The following SNUPN variants were observed in gnomAD, a reference collection of about 807,000 sequenced individuals.
The protein encoded by SNUPN is snurportin 1.
SNUPN carries 31 observed loss-of-function variants against 39.2 expected under a neutral mutation model. The ratio of observed to expected loss-of-function variants is 0.79; its 90% CI spans 0.59 to 1.07. The LOEUF is 1.07. Ranked by LOEUF, SNUPN falls within the 50% of genes least tolerant of loss-of-function variation. The pLI is 0.00. For synonymous variants in SNUPN, 132 were observed against 159.0 expected (o/e 0.83, Z 1.28); for missense variants, 382 against 434.2 (o/e 0.88, Z 1.07).
intron 1 of SNUPN, among the ~76,000 whole-genome samples, chr15:75,623,967 G>T (rs1170164230): frequency 7.9e-6 from 1 of 126,404 alleles, no homozygotes; most frequent in African/African-American, 3.1e-5. Flanking sequence ...TCGCTCTGTC[G>T]CCCAGGCTGG....
At chr15:75,600,852 T>C (rs2075279653) in intron 8 of SNUPN, 1 of 353,474 alleles carries the variant, frequency 2.8e-6, no homozygotes, top group East Asian at 6.3e-5. Context: ...GTCTTGCTCC[T>C]ATCTGGGCCT....
At chr15:75,613,012 C>T (rs1892824573) in intron 3 of SNUPN, among the ~76,000 whole-genome samples, 1 of 151,808 alleles carries the variant, frequency 6.6e-6, no homozygotes, top group Admixed American at 6.6e-5. Context: ...ATAAATAACT[C>T]AATTAAAAAA....
Position 75,609,593 on chromosome 15 carries a change from A to C in SNUPN, c.467T>G (p.Leu156Arg). Reference sequence around the variant, plus strand: ...TGAGTTTCGCCTGTTGCCTCCTGGCAGAAGTGAAGAAAACCTGTTGACACA... The same window carrying C: ...TGAGTTTCGCCTGTTGCCTCCTGGCCGAAGTGAAGAAAACCTGTTGACACA... Reference protein sequence around the residue: ...GYCVNRFSSLLPGGNRRNSTA... With the variant: ...GYCVNRFSSLRPGGNRRNSTA... Residue 156 changes from leucine to arginine, a missense_variant, in exon 5 of 9, where the codon CTG becomes CGG. Transcript: ENST00000308588. 6.2e-7 allele frequency: 1 copy of C among 1,614,110 alleles called. No individual in the cohort carries two copies. Among genetic ancestry groups the C allele is most frequent in the Non-Finnish European group, 8.5e-7 (1 of 1,179,970 alleles).
In SNUPN at chr15:75,609,570, A is replaced by T. The variant is rs1439146111; in HGVS notation, c.490T>A (p.Ser164Thr). The change falls in exon 5 of 9, where the codon TCA becomes ACA. Residue 164 changes from serine (S) to threonine (T), a missense_variant. Transcript: ENST00000308588. ...TCTATGTAGGTACCTTTTGCTGTTG[A>T]GTTTCGCCTGTTGCCTCCTGGCAGA... is the stretch of plus-strand genomic sequence containing the variant. The part of the protein sequence containing the change: ...SLLPGGNRRN[S>T]TAKDYTILDC... 6.2e-7 allele frequency: 1 copy of T among 1,613,446 alleles called. No homozygotes were observed. Among genetic ancestry groups the T allele is most frequent in the East Asian group, 2.2e-5 (1 of 44,874 alleles).
chr15:75,598,818 C>T (rs949246281), intron 8 of SNUPN, 137 bp from the exon 9 acceptor site: 3 of 592,112 alleles, frequency 5.1e-6, no homozygotes, highest in Non-Finnish European at 8.6e-6. Context: ...GTCCCAGCTT[C>T]TCACACATGC....
rs190799275 is a variant in SNUPN, at chr15:75,623,652, C to T, written c.-6+2014G>A. On this transcript the variant is annotated intron_variant, in intron 1 of 8. Transcript: ENST00000308588. Reference sequence around the variant, plus strand: ...TAGAGAAGAGGTTTCATTATGTTGGCGTGGCTGGTCTGAAACTCCTGACCT... The same window carrying T: ...TAGAGAAGAGGTTTCATTATGTTGGTGTGGCTGGTCTGAAACTCCTGACCT... Among the ~76,000 whole-genome samples the T allele has an allele frequency of 6.4e-3, 971 of 151,856 alleles. 14 individuals are homozygous for T. The highest frequency in any genetic ancestry group is 0.022 in the African/African-American group (910 of 41,388).
Position 75,601,297 on chromosome 15 carries a change from AGGCATAGT to A in SNUPN, c.679-87_679-80del, listed in dbSNP as rs2075284603. The stretch of plus-strand genomic sequence containing the variant: ...AGCAATTGAAAATCTCTGTCAGGCC[AGGCATAGT>A]GGCTCACACCTGTAATCCCAGCACT... On this transcript the variant is annotated intron_variant, in intron 7 of 8. Coordinates refer to ENST00000308588, the MANE Select transcript of SNUPN (RefSeq NM_005701.4). The A allele has an allele frequency of 1.1e-5, 11 of 1,023,776 alleles. No homozygotes were observed. In the Admixed American group the frequency reaches 1.8e-4, roughly 16 times the overall value. 63.4% of individuals were successfully genotyped at this position (1,023,776 alleles called of 1,614,324 possible).
chr15:75,607,268 T>C lies in SNUPN; in HGVS notation c.548A>G (p.Tyr183Cys). The change falls in exon 6 of 9, where the codon TAC becomes TGC. Residue 183 changes from tyrosine to cysteine, a missense_variant. Transcript: ENST00000308588. ...CCAGCACATCACATCCAGAACGTAG[T>C]AGGTCTGGTTTACCTCATTGTAAAT... Reference protein sequence around the residue: ...DCIYNEVNQTYYVLDVMCWRG... With the variant: ...DCIYNEVNQTCYVLDVMCWRG... 6.2e-7 allele frequency: 1 copy of C among 1,613,786 alleles called. No individual in the cohort carries two copies. Among genetic ancestry groups the C allele is most frequent in the South Asian group, 1.1e-5 (1 of 91,076 alleles).
rs368139444 is a variant in SNUPN, at chr15:75,605,263, T to C, written c.601-36A>G. The C allele has an allele frequency of 8.9e-6, 13 of 1,467,664 alleles. No homozygotes were observed. In the East Asian group the frequency reaches 1.4e-4, roughly 15 times the overall value. 90.9% of individuals were successfully genotyped at this position (1,467,664 alleles called of 1,614,324 possible). ...GAAGGGAAACAGAAAGATGAAATAC[T>C]TTCCATTTCAAACTCTAATATAAAC... is the stretch of plus-strand genomic sequence containing the variant. On this transcript the variant is annotated intron_variant, in intron 6 of 8. Transcript: ENST00000308588.
At position 75,619,699 on chromosome 15, in the gene SNUPN, C is replaced by G. The variant is rs143055252; in HGVS notation, c.158+1195G>C. Among the ~76,000 whole-genome samples the G allele has an allele frequency of 6.0e-4, 92 of 152,096 alleles. 1 individual carries two copies. In the East Asian group the frequency reaches 0.014, roughly 24 times the overall value. Reference sequence around the variant, plus strand: ...ATAATATAGGAGAGGAACTGGATAGCTAGGGGACAGAAATGGGAAGACCTC... The same window carrying G: ...ATAATATAGGAGAGGAACTGGATAGGTAGGGGACAGAAATGGGAAGACCTC... On this transcript the variant is annotated intron_variant, in intron 2 of 8. Coordinates refer to ENST00000308588, the MANE Select transcript of SNUPN (RefSeq NM_005701.4).
chr15:75,615,485 T>C (rs182357092), intron 3 of SNUPN, among the ~76,000 whole-genome samples: 12 of 152,216 alleles, frequency 7.9e-5, no homozygotes, highest in Non-Finnish European at 1.2e-4. Context: ...TAAAATGCAC[T>C]GCACTTCTAT....
rs1045680708 is a variant in SNUPN at position 75,605,296 on chromosome 15, C to A, written c.601-69G>T. 17 of 1,072,172 alleles carry A rather than the reference C, an allele frequency of 1.6e-5. No homozygotes were observed. The African/African-American group carries it at 2.7e-4, about 17-fold the overall frequency. The allele number at this position is 1,072,172 out of a possible 1,614,324, so 66.4% of individuals were successfully genotyped here. On this transcript the variant is annotated intron_variant, in intron 6 of 8. Coordinates refer to ENST00000308588, the MANE Select transcript of SNUPN (RefSeq NM_005701.4). ...TCAAACTCTAATATAAACAAAAACA[C>A]CCCATGCTATTTTTTTTTTTTTTTT...
intron 7 of SNUPN, among the ~76,000 whole-genome samples, chr15:75,604,580 T>A (rs1384294948): frequency 1.3e-5 from 2 of 152,178 alleles, no homozygotes; most frequent in African/African-American, 4.8e-5. Context: ...GTGCCTACCA[T>A]GAGTATTATG....
chr15:75,618,025 GC>G lies in SNUPN; in HGVS notation c.159-474del, dbSNP rs1191726082. Among the ~76,000 whole-genome samples, 7 of 152,226 alleles carry G rather than the reference GC, an allele frequency of 4.6e-5. No individual in the cohort carries two copies. The East Asian group carries it at 1.2e-3, about 25-fold the overall frequency. On this transcript the variant is annotated intron_variant, in intron 2 of 8. Coordinates refer to ENST00000308588, the MANE Select transcript of SNUPN (RefSeq NM_005701.4). ...CCTTTGCAAGGCTAAAACAGTGACCGCCCCCTCAAAATCCTAAATAGCGAAA... is the reference window on the plus strand; with the variant it reads ...CCTTTGCAAGGCTAAAACAGTGACCGCCCCTCAAAATCCTAAATAGCGAAA...
In SNUPN at chr15:75,609,927, C is replaced by T; in HGVS notation, c.371G>A (p.Cys124Tyr). ...GATAAGGGCTCTTTTTCCAACAGGGCACACGACCACAATCCATTCCTGCCC... is the reference window on the plus strand; with the variant it reads ...GATAAGGGCTCTTTTTCCAACAGGGTACACGACCACAATCCATTCCTGCCC... ...DLGQEWIVVVCPVGKRALIVA... is the reference protein window; with the variant it reads ...DLGQEWIVVVYPVGKRALIVA... Residue 124 changes from cysteine (C) to tyrosine (Y), a missense_variant, in exon 4 of 9, where the codon TGC becomes TAC. Transcript: ENST00000308588. The T allele has an allele frequency of 1.2e-6, 2 of 1,614,124 alleles. No homozygotes were observed. The highest frequency in any genetic ancestry group is 1.7e-6 in the Non-Finnish European group (2 of 1,180,012).
chr15:75,619,237 T>A (rs1328612891), intron 2 of SNUPN, among the ~76,000 whole-genome samples: 3 of 151,400 alleles, frequency 2.0e-5, no homozygotes, highest in Admixed American at 6.6e-5. Context: ...GGGGCTGAGG[T>A]TGCAGTGAGC....
At chr15:75,617,027 G>A (rs1220302669) in intron 3 of SNUPN, among the ~76,000 whole-genome samples, 2 of 152,240 alleles carry the variant, frequency 1.3e-5, no homozygotes, top group Non-Finnish European at 2.9e-5. Context: ...GGAGTCAGTG[G>A]TAGGCTGGGC....
chr15:75,604,157 C>CTTTTT (rs34924144), intron 7 of SNUPN, among the ~76,000 whole-genome samples: 13 of 114,942 alleles, frequency 1.1e-4, no homozygotes, highest in East Asian at 4.9e-4. Context: ...TTCCCTTTAA[C>CTTTTT]TTTTTTTTTT....
chr15:75,607,127 T>TGGTATGTGAAGTG, intron 6 of SNUPN, 89 bp downstream of exon 6: 1 of 848,990 alleles, frequency 1.2e-6, no homozygotes, highest in Non-Finnish European at 2.1e-6. Context: ...ACCAAGAAGT[T>TGGTATGTGAAGTG]GGTCACATAC....
Sources: allele counts gnomAD v4.1 joint callset (sites outside exome capture counted in the v4.1 genomes callset), GRCh38; gene constraint gnomAD v4.1.1; transcripts MANE v1.5; gene names NCBI Gene and HGNC (gene_info 2026-07-23, HGNC 2026-07-21).